Variants in GAS2 observed in about 807,000 individuals in gnomAD.
GAS2 encodes growth arrest-specific protein 2.
GAS2 carries 20 observed loss-of-function variants against 37.5 expected under a neutral mutation model. The ratio of observed to expected loss-of-function variants is 0.53; its 90% CI spans 0.37 to 0.77. GAS2 has a LOEUF of 0.77. GAS2 is among the 30% of genes least tolerant of loss of function. The pLI, the probability that GAS2 is intolerant of heterozygous loss-of-function variation, is 0.00. For synonymous variants in GAS2, 144 were observed against 132.2 expected (o/e 1.09, Z -0.61); for missense variants, 336 against 373.4 (o/e 0.90, Z 0.82).
At chr11:22,663,288 A>G (rs868581171), upstream of GAS2, among the ~76,000 whole-genome samples, 9 of 152,072 alleles carry the variant, frequency 5.9e-5, no homozygotes, top group Admixed American at 2.6e-4. Flanking sequence ...GAGCCAAACC[A>G]TATCAGTGGT....
intron 3 of GAS2, among the ~76,000 whole-genome samples, chr11:22,704,898 G>T (rs1379584480): frequency 1.3e-5 from 2 of 151,918 alleles, no homozygotes; most frequent in East Asian, 3.9e-4. Flanking sequence ...TTCAAAGATT[G>T]AAAAGTAGAT....
At chr11:22,657,111 T>C (rs1388544778) in intron 1 of GAS2, among the ~76,000 whole-genome samples, 1 of 152,160 alleles carries the variant, frequency 6.6e-6, no homozygotes, top group Non-Finnish European at 1.5e-5. Context: ...AGCTAAGTGG[T>C]CAGTCTAAAA....
chr11:22,734,615 A>G (rs1045201185), intron 4 of GAS2, among the ~76,000 whole-genome samples: 4 of 151,706 alleles, frequency 2.6e-5, no homozygotes, highest in African/African-American at 7.2e-5. Context: ...AAAAAATATA[A>G]AACTATCATT....
At chr11:22,681,994 G>T (rs978102407) in intron 2 of GAS2, among the ~76,000 whole-genome samples, 1 of 151,784 alleles carries the variant, frequency 6.6e-6, no homozygotes, top group African/African-American at 2.4e-5. Flanking sequence ...AGGAAAATAT[G>T]TTACACATGA....
At chr11:22,786,913 A>G (rs191019817) in intron 7 of GAS2, among the ~76,000 whole-genome samples, 2 of 152,278 alleles carry the variant, frequency 1.3e-5, no homozygotes, top group Admixed American at 1.3e-4. Flanking sequence ...TGAACAATGC[A>G]TATTAGAATC....
chr11:22,742,275 A>G (rs2134249526), intron 5 of GAS2, among the ~76,000 whole-genome samples: 1 of 152,208 alleles, frequency 6.6e-6, no homozygotes, highest in South Asian at 2.1e-4. Context: ...CAGCTACCCC[A>G]TTCTAAAACT....
chr11:22,792,305 T>C (rs2134582303), intron 7 of GAS2, among the ~76,000 whole-genome samples: 1 of 152,312 alleles, frequency 6.6e-6, no homozygotes, highest in South Asian at 2.1e-4. Flanking sequence ...GATATATATT[T>C]TTTATATCAG....
At chr11:22,628,633 A>AT (rs927472606) in intron 1 of GAS2, among the ~76,000 whole-genome samples, 24 of 150,724 alleles carry the variant, frequency 1.6e-4, no homozygotes, top group South Asian at 1.3e-3. Flanking sequence ...CTTTAACAGA[A>AT]TTTTTTTTTT....
chr11:22,655,071 T>C (rs1233975995), intron 1 of GAS2, among the ~76,000 whole-genome samples: 1 of 152,184 alleles, frequency 6.6e-6, no homozygotes, highest in Non-Finnish European at 1.5e-5. Context: ...GCCTCCTCTC[T>C]CTCTCCCTAC....
intron 3 of GAS2, among the ~76,000 whole-genome samples, chr11:22,694,447 T>A (rs563818360): frequency 6.6e-6 from 1 of 152,248 alleles, no homozygotes; most frequent in South Asian, 2.1e-4. Context: ...ACCTTAAAAA[T>A]TTTTGGAGCT....
At chr11:22,637,704 A>G (rs2133813481) in intron 1 of GAS2, among the ~76,000 whole-genome samples, 1 of 141,148 alleles carries the variant, frequency 7.1e-6, no homozygotes, top group East Asian at 2.1e-4. Flanking sequence ...TATAATATAA[A>G]TATATAATCA....
chr11:22,671,954 T>C (rs943565613), intron 1 of GAS2, among the ~76,000 whole-genome samples: 2 of 150,562 alleles, frequency 1.3e-5, no homozygotes, highest in African/African-American at 4.9e-5. Flanking sequence ...GCCAAACCGT[T>C]GAGTCATTTA....
chr11:22,785,829 C>A (rs1855793157), intron 7 of GAS2, among the ~76,000 whole-genome samples: 2 of 148,124 alleles, frequency 1.4e-5, no homozygotes, highest in South Asian at 4.3e-4. Flanking sequence ...ACATAGATAG[C>A]TGTACTTTTT....
intron 7 of GAS2, among the ~76,000 whole-genome samples, chr11:22,796,561 AAGAAC>A (rs1376356186): frequency 6.6e-6 from 1 of 152,188 alleles, no homozygotes; most frequent in Non-Finnish European, 1.5e-5. Context: ...TACCAATAGA[AAGAAC>A]TGAATGTATT....
chr11:22,707,447 C>A (rs1420776322), intron 3 of GAS2, among the ~76,000 whole-genome samples: 1 of 152,144 alleles, frequency 6.6e-6, no homozygotes, highest in Non-Finnish European at 1.5e-5. Context: ...CTGTTAAGAT[C>A]CATACTTTTA....
chr11:22,695,469 C>T (rs1433433533), intron 3 of GAS2, among the ~76,000 whole-genome samples: 1 of 152,090 alleles, frequency 6.6e-6, no homozygotes, highest in African/African-American at 2.4e-5. Context: ...ATGTACCCTC[C>T]CTGTTTCCTG....
intron 3 of GAS2, among the ~76,000 whole-genome samples, chr11:22,707,144 G>T (rs1468850864): frequency 2.0e-5 from 3 of 152,194 alleles, no homozygotes; most frequent in African/African-American, 7.2e-5. Flanking sequence ...TATAGAATGG[G>T]TAAGGGAGAT....
At chr11:22,796,160 T>G (rs940514193) in intron 7 of GAS2, among the ~76,000 whole-genome samples, 1 of 152,164 alleles carries the variant, frequency 6.6e-6, no homozygotes, top group African/African-American at 2.4e-5. Flanking sequence ...GATGACACAG[T>G]CACTGGCATT....
chr11:22,634,806 C>CTGTGAGATTTTCTTGGT (rs1324552613), intron 1 of GAS2, among the ~76,000 whole-genome samples: 18 of 152,184 alleles, frequency 1.2e-4, no homozygotes, highest in Middle Eastern at 3.4e-3. Flanking sequence ...GATGTAGACT[C>CTGTGAGATTTTCTTGGT]TGTGAGATTT....
Sources: allele counts gnomAD v4.1 joint callset (sites outside exome capture counted in the v4.1 genomes callset), GRCh38; gene constraint gnomAD v4.1.1; transcripts MANE v1.5; gene names NCBI Gene and HGNC (gene_info 2026-07-23, HGNC 2026-07-21).